Variants in ALDH1A1 observed in about 807,000 individuals in gnomAD.
ALDH1A1 encodes aldehyde dehydrogenase 1 family member A1.
Under a neutral mutation model 62.1 loss-of-function variants are expected in ALDH1A1, and 19 were observed. The observed-to-expected ratio is 0.31, with a 90% CI of 0.21 to 0.45. The LOEUF (loss-of-function observed/expected upper bound fraction) is 0.45, where lower values mean the gene tolerates loss of function less well. Among genes scored for constraint, ALDH1A1 ranks in the 20% least tolerant of loss-of-function variants. The probability of loss-of-function intolerance (pLI) is 1.00; values close to 1 mark genes in which losing one functional copy is unlikely to be tolerated. For missense variants in ALDH1A1, 521 were observed against 607.1 expected, an observed-to-expected ratio of 0.86 and a Z score of 1.49; for synonymous variants, 231 against 215.9, an observed-to-expected ratio of 1.07 and a Z score of -0.61.
chr9:72,915,457 C>CAA (rs4646545), intron 9 of ALDH1A1, among the ~76,000 whole-genome samples: 1 of 151,750 alleles, frequency 6.6e-6, no homozygotes, highest in South Asian at 2.1e-4. Context: ...ATAATCACAA[C>CAA]AAAAAACATA....
At chr9:72,948,159 G>T (rs1830496319) in intron 1 of ALDH1A1, among the ~76,000 whole-genome samples, 1 of 151,892 alleles carries the variant, frequency 6.6e-6, no homozygotes, top group South Asian at 2.1e-4. Flanking sequence ...ACATAGAATA[G>T]CTGGAAATTG....
intron 5 of ALDH1A1, 62 bp from the exon 6 acceptor site, chr9:72,925,674 C>A (rs1830196106): frequency 1.9e-6 from 3 of 1,561,208 alleles, no homozygotes; most frequent in African/African-American, 2.7e-5. Flanking sequence ...GCTAATCCAA[C>A]TTCCATATTA....
chr9:72,921,522 A>ATT (rs59019273), intron 7 of ALDH1A1, among the ~76,000 whole-genome samples: 8 of 70,768 alleles, frequency 1.1e-4, no homozygotes, highest in Middle Eastern at 0.015. Context: ...TTTTTTTTTC[A>ATT]TTTTTTTTTT....
intron 11 of ALDH1A1, among the ~76,000 whole-genome samples, chr9:72,908,627 GA>G (rs1829935350): frequency 7.3e-6 from 1 of 136,564 alleles, no homozygotes; most frequent in Non-Finnish European, 1.6e-5. Flanking sequence ...AAGAAAGAAA[GA>G]GAATATTGCA....
At chr9:72,914,015 C>T (rs530014599) in intron 9 of ALDH1A1, among the ~76,000 whole-genome samples, 26 of 152,312 alleles carry the variant, frequency 1.7e-4, no homozygotes, top group African/African-American at 6.3e-4. Flanking sequence ...TTTCTGGACA[C>T]CTGGGACTGT....
intron 11 of ALDH1A1, among the ~76,000 whole-genome samples, chr9:72,906,911 G>A (rs1829884296): frequency 6.6e-6 from 1 of 152,150 alleles, no homozygotes; most frequent in Non-Finnish European, 1.5e-5. Flanking sequence ...ACTGAGGCAG[G>A]AGGATCACTT....
chr9:72,925,657 C>A, intron 5 of ALDH1A1, 45 bp from the exon 6 acceptor site: 1 of 1,591,080 alleles, frequency 6.3e-7, no homozygotes, highest in Non-Finnish European at 8.6e-7. Flanking sequence ...TTGCAAAAGG[C>A]ATATTTGCTA....
At chr9:72,935,175 A>T (rs562227173) in intron 2 of ALDH1A1, among the ~76,000 whole-genome samples, 42 of 152,190 alleles carry the variant, frequency 2.8e-4, no homozygotes, top group Non-Finnish European at 5.7e-4. Context: ...AAACTGTTAG[A>T]CATAACAGTT....
chr9:72,923,218 C>A (rs1830164088), intron 7 of ALDH1A1, among the ~76,000 whole-genome samples: 2 of 152,184 alleles, frequency 1.3e-5, no homozygotes, highest in African/African-American at 4.8e-5. Context: ...CCTTATCACA[C>A]CCTGCCTGGT....
chr9:72,943,350 T>C (rs756827660), intron 1 of ALDH1A1, among the ~76,000 whole-genome samples: 3 of 152,130 alleles, frequency 2.0e-5, no homozygotes, highest in Non-Finnish European at 4.4e-5. Context: ...TTTTACTCTC[T>C]TTACACACTT....
In ALDH1A1 at chr9:72,918,750, T is replaced by A; in HGVS notation, c.820A>T (p.Ser274Cys). ...GCATCAGCTAACACAATGCAAGGGCTCTTTCCTCCAAGCTCCAGGGTCACC... is the reference window on the plus strand; with the variant it reads ...GCATCAGCTAACACAATGCAAGGGCACTTTCCTCCAAGCTCCAGGGTCACC... ...KRVTLELGGK[S>C]PCIVLADADL... Residue 274 changes from serine (S) to cysteine (C), a missense_variant, in exon 8 of 13, where the codon AGC becomes TGC. Physicochemically the swap from Ser to Cys is moderately radical, Grantham distance 112 (BLOSUM62 -1). Coordinates refer to ENST00000297785, the MANE Select transcript of ALDH1A1 (RefSeq NM_000689.5). 6.2e-7 allele frequency: 1 copy of A among 1,613,166 alleles called. No individual in the cohort carries two copies. The highest frequency in any genetic ancestry group is 8.5e-7 in the Non-Finnish European group (1 of 1,179,748).
intron 11 of ALDH1A1, among the ~76,000 whole-genome samples, chr9:72,908,625 A>AAG (rs142357268): frequency 7.7e-6 from 1 of 130,706 alleles, no homozygotes; most frequent in Admixed American, 7.9e-5. Flanking sequence ...GAAAGAAAGA[A>AAG]AGAGAATATT....
chr9:72,919,500 G>A (rs1830109843), intron 7 of ALDH1A1, among the ~76,000 whole-genome samples: 1 of 152,132 alleles, frequency 6.6e-6, no homozygotes, highest in South Asian at 2.1e-4. Context: ...AGAAATGACA[G>A]GACCATTTCT....
intron 12 of ALDH1A1, among the ~76,000 whole-genome samples, chr9:72,903,510 T>C (rs1047859832): frequency 7.2e-5 from 11 of 151,950 alleles, no homozygotes; most frequent in African/African-American, 2.7e-4. Context: ...AACTTGTAAC[T>C]CTTGGAACAT....
rs1027475476 is a variant in ALDH1A1 at position 72,931,507 on chromosome 9, A to G, written c.172-488T>C. Among the ~76,000 whole-genome samples, 110 of 152,308 alleles carry G rather than the reference A, an allele frequency of 7.2e-4. 1 individual carries two copies. The highest frequency in any genetic ancestry group is 1.5e-4 in the Non-Finnish European group (10 of 68,030). On this transcript the variant is annotated intron_variant, in intron 2 of 12. Coordinates refer to ENST00000297785, the MANE Select transcript of ALDH1A1 (RefSeq NM_000689.5). ...TTGTAGAATCTTTGCTGTTTACCAC[A>G]CATTATACTTTCTTAGTGACTGGGT...
chr9:72,902,196 T>C (rs1348226666), intron 12 of ALDH1A1, among the ~76,000 whole-genome samples: 1 of 152,044 alleles, frequency 6.6e-6, no homozygotes, highest in African/African-American at 2.4e-5. Flanking sequence ...CCACCAGTTT[T>C]AGAAACTGAC....
chr9:72,919,627 A>G (rs944038019), intron 7 of ALDH1A1, among the ~76,000 whole-genome samples: 36 of 152,256 alleles, frequency 2.4e-4, no homozygotes, highest in African/African-American at 8.4e-4. Context: ...AGCAGTAACA[A>G]TAACGTATCA....
At chr9:72,925,463 T>G (rs768972884) in intron 6 of ALDH1A1, 21 bp downstream of exon 6, 3 of 1,611,132 alleles carry the variant, frequency 1.9e-6, no homozygotes, top group Middle Eastern at 1.7e-4. Context: ...CTTGAGCATA[T>G]TTTGATTTCG....
chr9:72,929,123 T>C, intron 3 of ALDH1A1, 102 bp from the exon 4 acceptor site: 1 of 1,284,644 alleles, frequency 7.8e-7, no homozygotes, highest in Non-Finnish European at 1.1e-6. Context: ...ATTTTTGAAA[T>C]AGAAGAAATC....
Sources: allele counts gnomAD v4.1 joint callset (sites outside exome capture counted in the v4.1 genomes callset), GRCh38; gene constraint gnomAD v4.1.1; transcripts MANE v1.5; gene names NCBI Gene and HGNC (gene_info 2026-07-23, HGNC 2026-07-21).